Variants in CHL1 observed in about 807,000 individuals in gnomAD.
The protein encoded by CHL1 is neural cell adhesion molecule L1-like protein.
CHL1 carries 96 observed loss-of-function variants against 141.9 expected under a neutral mutation model. The observed-to-expected ratio is 0.68, with a 90% CI of 0.57 to 0.80. The LOEUF (loss-of-function observed/expected upper bound fraction) is 0.80, where lower values mean the gene tolerates loss of function less well. Ranked by LOEUF, CHL1 falls within the 30% of genes least tolerant of loss-of-function variation. The pLI is 0.00. For synonymous variants in CHL1, 613 were observed against 502.2 expected (o/e 1.22, Z -2.95); for missense variants, 1,820 against 1,457.2 (o/e 1.25, Z -4.05).
rs71058760 is a variant in CHL1 at position 252,361 on chromosome 3, G to GATATATATAT, written c.-95+7700_-95+7709dup. On this transcript the variant is annotated intron_variant, in intron 2 of 27. Coordinates refer to ENST00000256509, the MANE Select transcript of CHL1 (RefSeq NM_006614.4). Reference sequence around the variant, plus strand: ...AGCCACAGATTTAAGAAAGCATCCAGATATATATATATATATATATATATA... The same window carrying GATATATATAT: ...AGCCACAGATTTAAGAAAGCATCCAGATATATATATATATATATATATATATATATATATA... Among the ~76,000 whole-genome samples the GATATATATAT allele has an allele frequency of 3.4e-3, 184 of 54,232 alleles. 4 individuals carry two copies. Among genetic ancestry groups the GATATATATAT allele is most frequent in the Non-Finnish European group, 4.0e-3 (122 of 30,614 alleles). The allele number at this position is 54,232 out of a possible 152,430, so 35.6% of individuals were successfully genotyped here.
At chr3:254,616 C>T (rs1034482392) in intron 2 of CHL1, among the ~76,000 whole-genome samples, 1 of 152,152 alleles carries the variant, frequency 6.6e-6, no homozygotes, top group Non-Finnish European at 1.5e-5. Flanking sequence ...ATACCACAGA[C>T]TGGATACCTT....
chr3:334,869 G>A (rs1314332070), intron 5 of CHL1, among the ~76,000 whole-genome samples: 1 of 152,114 alleles, frequency 6.6e-6, no homozygotes, highest in Non-Finnish European at 1.5e-5. Context: ...GTTCTGCATT[G>A]CCTTGTAGAT....
chr3:202,736 T>A (rs927378397), intron 1 of CHL1, among the ~76,000 whole-genome samples: 6 of 152,252 alleles, frequency 3.9e-5, no homozygotes, highest in Non-Finnish European at 8.8e-5. Context: ...AAAAATGCTC[T>A]GGCAAACTTC....
At chr3:283,828 T>C (rs1696880919) in intron 2 of CHL1, among the ~76,000 whole-genome samples, 1 of 152,140 alleles carries the variant, frequency 6.6e-6, no homozygotes. Context: ...GGGGGAAAAA[T>C]CCCTCTCCTC....
intron 5 of CHL1, among the ~76,000 whole-genome samples, chr3:330,043 T>A (rs1439788635): frequency 6.6e-6 from 1 of 152,018 alleles, no homozygotes; most frequent in African/African-American, 2.4e-5. Flanking sequence ...CTCCATCTAA[T>A]GAAAACACAT....
chr3:258,236 T>A (rs1290054707), intron 2 of CHL1, among the ~76,000 whole-genome samples: 1 of 152,262 alleles, frequency 6.6e-6, no homozygotes, highest in African/African-American at 2.4e-5. Context: ...ATATTGTGTC[T>A]TGGGGAAATC....
chr3:219,223 C>T (rs981248594), intron 1 of CHL1, among the ~76,000 whole-genome samples: 8 of 151,916 alleles, frequency 5.3e-5, no homozygotes, highest in African/African-American at 1.4e-4. Context: ...ACACTGTTAG[C>T]GGGGGTGTAA....
chr3:241,380 T>C (rs1692541796), intron 1 of CHL1, among the ~76,000 whole-genome samples: 2 of 152,174 alleles, frequency 1.3e-5, no homozygotes, highest in Non-Finnish European at 2.9e-5. Flanking sequence ...GTGTGAAAAG[T>C]ACTACTTTGA....
intron 2 of CHL1, 145 bp from the exon 3 acceptor site, chr3:319,538 T>G (rs771983303): frequency 1.7e-4 from 72 of 423,542 alleles, no homozygotes; most frequent in Non-Finnish European, 2.5e-4. Context: ...CTAATTTCAT[T>G]CATGCGGAGT....
At chr3:300,173 A>G (rs981231408) in intron 2 of CHL1, among the ~76,000 whole-genome samples, 3 of 152,232 alleles carry the variant, frequency 2.0e-5, no homozygotes, top group African/African-American at 7.2e-5. Context: ...ACTAAAACTA[A>G]TAAGACTTGC....
At chr3:226,831 GCAGA>G (rs1473123934) in intron 1 of CHL1, among the ~76,000 whole-genome samples, 1 of 152,072 alleles carries the variant, frequency 6.6e-6, no homozygotes, top group Non-Finnish European at 1.5e-5. Flanking sequence ...TCAATGCTTA[GCAGA>G]CAATTTGATA....
Position 319,733 on chromosome 3 carries a change from T to C in CHL1, c.-44T>C. 3.8e-6 allele frequency: 5 copies of C among 1,318,586 alleles called. No individual in the cohort carries two copies. Among genetic ancestry groups the C allele is most frequent in the Non-Finnish European group, 5.4e-6 (5 of 920,052 alleles). The allele number at this position is 1,318,586 out of a possible 1,614,324, so 81.7% of individuals were successfully genotyped here. A position where few individuals can be genotyped will look rare whatever the true frequency, so the allele number is the denominator to read the frequency against. ...TGTAAACCAAAAGTGAGAGGAGACA[T>C]TAAGATTTTCATTCTTACCGGGTTG... On this transcript the variant is annotated 5_prime_UTR_variant, in exon 3 of 28. Coordinates refer to ENST00000256509, the MANE Select transcript of CHL1 (RefSeq NM_006614.4).
chr3:286,006 A>G (rs1559200969), intron 2 of CHL1, among the ~76,000 whole-genome samples: 1 of 152,190 alleles, frequency 6.6e-6, no homozygotes, highest in Non-Finnish European at 1.5e-5. Flanking sequence ...AATTACAGTA[A>G]TGAATTATAA....
chr3:225,180 T>A (rs556185904), intron 1 of CHL1, among the ~76,000 whole-genome samples: 1 of 152,298 alleles, frequency 6.6e-6, no homozygotes, highest in Non-Finnish European at 1.5e-5. Context: ...GACTAGAAGA[T>A]TATGTTAATG....
In CHL1 at chr3:342,879, A is replaced by G. The variant is rs1478865978; in HGVS notation, c.680-105A>G. On this transcript the variant is annotated intron_variant, in intron 7 of 27. Transcript: ENST00000256509. ...ATGTTCTAGTGAAGCATGGTTCTACATCATTTTGTAATTTTTCTAAGACAA... is the reference window on the plus strand; with the variant it reads ...ATGTTCTAGTGAAGCATGGTTCTACGTCATTTTGTAATTTTTCTAAGACAA... The G allele has an allele frequency of 4.9e-6, 4 of 819,654 alleles. No individual in the cohort carries two copies. In the East Asian group the frequency reaches 7.9e-5, roughly 16 times the overall value. The allele number at this position is 819,654 out of a possible 1,614,324, so 50.8% of individuals were successfully genotyped here.
chr3:239,675 T>G (rs1450553288), intron 1 of CHL1, among the ~76,000 whole-genome samples: 1 of 152,050 alleles, frequency 6.6e-6, no homozygotes. Context: ...TCTTTTATGC[T>G]GATTTGTGAG....
intron 19 of CHL1, among the ~76,000 whole-genome samples, chr3:387,857 CAGTT>C (rs1465595104): frequency 1.3e-5 from 2 of 151,900 alleles, no homozygotes; most frequent in Non-Finnish European, 2.9e-5. Context: ...TTTTTTCCCT[CAGTT>C]AGTTTAGTTT....
At chr3:266,090 T>G (rs1358567041) in intron 2 of CHL1, among the ~76,000 whole-genome samples, 1 of 152,184 alleles carries the variant, frequency 6.6e-6, no homozygotes, top group African/African-American at 2.4e-5. Context: ...CCAATTTTGT[T>G]GTACAGTATC....
chr3:233,838 C>A (rs1035134693), intron 1 of CHL1, among the ~76,000 whole-genome samples: 1 of 151,978 alleles, frequency 6.6e-6, no homozygotes, highest in Non-Finnish European at 1.5e-5. Context: ...TAGGTTGTCA[C>A]CCAAATTTTA....
Sources: gnomAD v4.1 joint callset for allele counts (sites outside exome capture counted in the v4.1 genomes callset) on GRCh38, gnomAD v4.1.1 for gene constraint, MANE v1.5 for transcripts, NCBI Gene and HGNC (gene_info 2026-07-23, HGNC 2026-07-21) for gene names.